The following CSDC2 variants were observed in gnomAD, a reference collection of about 807,000 sequenced individuals.
CSDC2 encodes cold shock domain-containing protein C2.
CSDC2 carries 8 observed loss-of-function variants against 15.8 expected under a neutral mutation model. The ratio of observed to expected loss-of-function variants is 0.51; its 90% CI spans 0.30 to 0.92. The LOEUF is 0.92. Among genes scored for constraint, CSDC2 ranks in the 40% least tolerant of loss-of-function variants. The probability of loss-of-function intolerance (pLI) is 0.07; values close to 1 mark genes in which losing one functional copy is unlikely to be tolerated. For synonymous variants in CSDC2, 96 were observed against 92.3 expected (o/e 1.04, Z -0.23); for missense variants, 195 against 213.3 (o/e 0.91, Z 0.53).
At chr22:41,573,581 G>T in intron 2 of CSDC2, 74 bp from the exon 3 acceptor site, 1 of 1,527,762 alleles carries the variant, frequency 6.5e-7, no homozygotes, top group South Asian at 1.2e-5. Context: ...CAGCAGAAAG[G>T]GCCCAGAATG....
At chr22:41,565,171 G>T (rs533337544) in intron 1 of CSDC2, among the ~76,000 whole-genome samples, 38 of 146,796 alleles carry the variant, frequency 2.6e-4, no homozygotes, top group Admixed American at 2.2e-3. Flanking sequence ...AAAAAAAAAG[G>T]ATGGGTGCGG....
chr22:41,572,161 C>G lies in CSDC2; in HGVS notation c.176+20C>G, dbSNP rs551393115. ...TTCAGCGTGAGTACCTGCCCCTTGC[C>G]CAGGCCCCTGACCCTTGTCAGGACA... On this transcript the variant is annotated intron_variant, in intron 2 of 3. Transcript: ENST00000306149. 9.3e-6 allele frequency: 12 copies of G among 1,293,146 alleles called. No individual in the cohort carries two copies. The South Asian group carries it at 3.6e-4, about 39-fold the overall frequency. 80.1% of individuals were successfully genotyped at this position (1,293,146 alleles called of 1,614,324 possible). A position where few individuals can be genotyped will look rare whatever the true frequency, so the allele number is the denominator to read the frequency against.
chr22:41,574,714 C>A lies in CSDC2; in HGVS notation c.300-19C>A. Reference sequence around the variant, plus strand: ...ACAGGGCCTGCTGCTGGGCTAATACCCCTCTTCCTGCCCGCCAGCATCGAG... The same window carrying A: ...ACAGGGCCTGCTGCTGGGCTAATACACCTCTTCCTGCCCGCCAGCATCGAG... On this transcript the variant is annotated intron_variant, in intron 3 of 3. Transcript: ENST00000306149. The A allele has an allele frequency of 1.2e-6, 2 of 1,612,286 alleles. No individual in the cohort carries two copies. The highest frequency in any genetic ancestry group is 1.7e-6 in the Non-Finnish European group (2 of 1,179,516).
At chr22:41,567,237 G>T (rs139913520) in intron 1 of CSDC2, among the ~76,000 whole-genome samples, 3 of 152,156 alleles carry the variant, frequency 2.0e-5, no homozygotes, top group Admixed American at 2.0e-4. Context: ...GCTGAACCAG[G>T]AACAGAATTT....
chr22:41,570,748 G>A (rs2067140918), intron 1 of CSDC2, among the ~76,000 whole-genome samples: 1 of 148,590 alleles, frequency 6.7e-6, no homozygotes, highest in Non-Finnish European at 1.5e-5. Context: ...CTTGAACCTG[G>A]GAGGCAGAAG....
chr22:41,574,937 C>T lies in CSDC2; in HGVS notation c.*42C>T. The T allele has an allele frequency of 6.5e-7, 1 of 1,549,136 alleles. No individual in the cohort carries two copies. The highest frequency in any genetic ancestry group is 8.7e-7 in the Non-Finnish European group (1 of 1,146,814). On this transcript the variant is annotated 3_prime_UTR_variant, in exon 4 of 4. Transcript: ENST00000306149. ...GCCAGCTGGCCGGGGGTTGGGGAGC[C>T]ACACAGGGTGAACGGGCAGCAGCCG...
At chr22:41,574,415 G>A (rs937146358) in intron 3 of CSDC2, among the ~76,000 whole-genome samples, 6 of 152,230 alleles carry the variant, frequency 3.9e-5, no homozygotes, top group African/African-American at 1.4e-4. Flanking sequence ...ACAGGTGCCA[G>A]CCACCATGCC....
At chr22:41,571,363 A>C (rs1431645671) in intron 1 of CSDC2, among the ~76,000 whole-genome samples, 2 of 152,168 alleles carry the variant, frequency 1.3e-5, no homozygotes, top group African/African-American at 4.8e-5. Flanking sequence ...TAAAACAAAA[A>C]AAAAAATTTG....
intron 1 of CSDC2, among the ~76,000 whole-genome samples, chr22:41,564,217 T>C (rs1288304749): frequency 6.6e-6 from 1 of 151,970 alleles, no homozygotes; most frequent in Non-Finnish European, 1.5e-5. Flanking sequence ...GATCACTAGA[T>C]GGTGGCTGAG....
At chr22:41,570,062 G>T (rs1429973996) in intron 1 of CSDC2, among the ~76,000 whole-genome samples, 2 of 151,940 alleles carry the variant, frequency 1.3e-5, no homozygotes, top group Non-Finnish European at 2.9e-5. Context: ...TTACAGGTGT[G>T]CGCCACCACA....
chr22:41,574,444 T>C (rs182389580), intron 3 of CSDC2, among the ~76,000 whole-genome samples: 1 of 152,282 alleles, frequency 6.6e-6, no homozygotes, highest in African/African-American at 2.4e-5. Flanking sequence ...TTTTGTACTT[T>C]TAGTAGAGCC....
At chr22:41,567,941 C>A (rs2145598018) in intron 1 of CSDC2, among the ~76,000 whole-genome samples, 1 of 152,236 alleles carries the variant, frequency 6.6e-6, no homozygotes, top group East Asian at 1.9e-4. Flanking sequence ...GTGGGCTTGG[C>A]CCAGCTCGGC....
chr22:41,567,794 C>T (rs1054662860), intron 1 of CSDC2, among the ~76,000 whole-genome samples: 3 of 152,210 alleles, frequency 2.0e-5, no homozygotes, highest in African/African-American at 7.2e-5. Flanking sequence ...CTTTGAGCCT[C>T]GATTTTCTTG....
intron 1 of CSDC2, among the ~76,000 whole-genome samples, chr22:41,566,646 A>AG (rs2067116963): frequency 7.3e-6 from 1 of 136,926 alleles, no homozygotes; most frequent in South Asian, 2.4e-4. Context: ...AAAAAAAAAA[A>AG]AGGGGGAGGG....
At chr22:41,566,030 C>T (rs781220794) in intron 1 of CSDC2, among the ~76,000 whole-genome samples, 15 of 151,774 alleles carry the variant, frequency 9.9e-5, no homozygotes, top group African/African-American at 3.4e-4. Flanking sequence ...GTTGGCCGGG[C>T]GCAGTGGCTC....
intron 1 of CSDC2, among the ~76,000 whole-genome samples, chr22:41,569,738 C>T (rs2067135472): frequency 6.7e-6 from 1 of 149,782 alleles, no homozygotes; most frequent in South Asian, 2.1e-4. Flanking sequence ...ACTGGTGTGA[C>T]CATTCATGAA....
chr22:41,567,721 T>C (rs562641897), intron 1 of CSDC2, among the ~76,000 whole-genome samples: 2 of 152,364 alleles, frequency 1.3e-5, no homozygotes, highest in Admixed American at 1.3e-4. Flanking sequence ...CTCCAGATCA[T>C]ACTGATTCAA....
intron 1 of CSDC2, among the ~76,000 whole-genome samples, chr22:41,562,917 CTA>C (rs1256107586): frequency 6.6e-6 from 1 of 152,100 alleles, no homozygotes; most frequent in Non-Finnish European, 1.5e-5. Context: ...TTTGACCAGT[CTA>C]TTCCTCTCTC....
intron 1 of CSDC2, among the ~76,000 whole-genome samples, chr22:41,571,178 C>A (rs575018175): frequency 9.2e-5 from 14 of 151,904 alleles, no homozygotes; most frequent in Middle Eastern, 3.4e-3. Flanking sequence ...CATGGTGAGA[C>A]CCCATCTCTA....
Sources: allele counts gnomAD v4.1 joint callset (sites outside exome capture counted in the v4.1 genomes callset), GRCh38; gene constraint gnomAD v4.1.1; transcripts MANE v1.5; gene names NCBI Gene and HGNC (gene_info 2026-07-23, HGNC 2026-07-21).